LMO1: variants seen among roughly 807,000 people sequenced by gnomAD.
LMO1 encodes the protein LIM domain only 1, also known as rhombotin-1.
A neutral mutation model predicts 18.0 loss-of-function variants in LMO1; 10 were observed. That is an observed-to-expected ratio of 0.55 (90% CI 0.34 to 0.94). The LOEUF is 0.94. LMO1 is among the 40% of genes least tolerant of loss of function. The probability of loss-of-function intolerance (pLI) is 0.02; values close to 1 mark genes in which losing one functional copy is unlikely to be tolerated. For missense variants in LMO1, 183 were observed against 205.7 expected, an observed-to-expected ratio of 0.89 and a Z score of 0.68; for synonymous variants, 77 against 77.9, an observed-to-expected ratio of 0.99 and a Z score of 0.06.
chr11:8,235,166 G>A (rs1406294249), intron 1 of LMO1, among the ~76,000 whole-genome samples: 1 of 152,276 alleles, frequency 6.6e-6, no homozygotes, highest in South Asian at 2.1e-4. Flanking sequence ...ATCCCTGCTC[G>A]GGCACTTGCT....
At chr11:8,246,038 C>T (rs1370440663) in intron 1 of LMO1, among the ~76,000 whole-genome samples, 1 of 152,246 alleles carries the variant, frequency 6.6e-6, no homozygotes, top group East Asian at 1.9e-4. Context: ...CATCACCAAG[C>T]GGATAGTGCT....
intron 1 of LMO1, among the ~76,000 whole-genome samples, chr11:8,237,133 T>C (rs1952774141): frequency 6.6e-6 from 1 of 151,052 alleles, no homozygotes; most frequent in African/African-American, 2.4e-5. Flanking sequence ...CCACAATCCT[T>C]ATGCCTACTT....
intron 1 of LMO1, among the ~76,000 whole-genome samples, chr11:8,255,044 C>T (rs551437577): frequency 1.3e-5 from 2 of 152,306 alleles, no homozygotes; most frequent in East Asian, 3.9e-4. Flanking sequence ...TCTACCCTTC[C>T]CCACAGCCAC....
Position 8,263,325 on chromosome 11 carries a change from G to A in LMO1, c.25+13C>T. On this transcript the variant is annotated intron_variant, in intron 1 of 3. Coordinates refer to ENST00000335790, the MANE Select transcript of LMO1 (RefSeq NM_002315.3). Reference sequence around the variant, plus strand: ...GGGGGTGAGGGGCGTCGAGACCCCGGCCCGCCACCTACCGTCCTCCTTGTC... The same window carrying A: ...GGGGGTGAGGGGCGTCGAGACCCCGACCCGCCACCTACCGTCCTCCTTGTC... 1 of 1,598,366 alleles carries A rather than the reference G, an allele frequency of 6.3e-7. No homozygotes were observed. The highest frequency in any genetic ancestry group is 1.4e-5 in the African/African-American group (1 of 74,018).
At chr11:8,249,507 CAT>C (rs1846952040) in intron 1 of LMO1, among the ~76,000 whole-genome samples, 1 of 152,192 alleles carries the variant, frequency 6.6e-6, no homozygotes, top group South Asian at 2.1e-4. Flanking sequence ...TACACATGGA[CAT>C]AAAGATGGGA....
chr11:8,230,221 C>G, intron 2 of LMO1, 70 bp downstream of exon 2: 1 of 1,427,128 alleles, frequency 7.0e-7, no homozygotes. Context: ...GGCACAGTCA[C>G]GCTGGGGCTG....
Position 8,224,720 on chromosome 11 carries a change from A to G in LMO1, c.367T>C (p.Phe123Leu). Residue 123 changes from phenylalanine to leucine, a missense_variant and splice_region_variant, in exon 4 of 4, where the codon TTT becomes CTT. Physicochemically the swap from Phe to Leu is conservative, Grantham distance 22 (BLOSUM62 0). Transcript: ENST00000335790. Reference sequence around the variant, plus strand: ...AGGAAGAATTTGTCTCCCACACAAAATCTAGAAAATCCAAGCGAGAGAGAG... The same window carrying G: ...AGGAAGAATTTGTCTCCCACACAAAGTCTAGAAAATCCAAGCGAGAGAGAG... ...CFACQLCNQR[F>L]CVGDKFFLKN... 6.3e-7 allele frequency: 1 copy of G among 1,591,374 alleles called. No individual in the cohort carries two copies. The highest frequency in any genetic ancestry group is 8.6e-7 in the Non-Finnish European group (1 of 1,166,140).
At chr11:8,257,633 G>A (rs936894643) in intron 1 of LMO1, among the ~76,000 whole-genome samples, 1 of 152,220 alleles carries the variant, frequency 6.6e-6, no homozygotes, top group African/African-American at 2.4e-5. Flanking sequence ...TGGAACCCTA[G>A]GCAGCCCTTT....
chr11:8,228,042 C>T (rs1363593642), intron 2 of LMO1, among the ~76,000 whole-genome samples: 4 of 151,972 alleles, frequency 2.6e-5, no homozygotes, highest in African/African-American at 9.7e-5. Context: ...CCCTTTTTTT[C>T]TTTCTCTGAA....
intron 1 of LMO1, among the ~76,000 whole-genome samples, chr11:8,262,397 G>A (rs1342828975): frequency 6.6e-6 from 1 of 152,166 alleles, no homozygotes; most frequent in Non-Finnish European, 1.5e-5. Flanking sequence ...CCTTACCCTG[G>A]GGACTCATCT....
upstream of LMO1, among the ~76,000 whole-genome samples, chr11:8,264,428 C>T (rs1441874507): frequency 6.6e-6 from 1 of 152,142 alleles, no homozygotes; most frequent in Admixed American, 6.5e-5. Context: ...AGGGATACAG[C>T]ACTGAACAAA....
chr11:8,263,347 T>C lies in LMO1; in HGVS notation c.16A>G (p.Lys6Glu), dbSNP rs1327021603. 2.7e-5 allele frequency: 44 copies of C among 1,603,388 alleles called. No individual in the cohort carries two copies. The highest frequency in any genetic ancestry group is 3.6e-5 in the Non-Finnish European group (42 of 1,178,300). MMVLD[K>E]EDGVPMLSVQ... Reference sequence around the variant, plus strand: ...CCGGCCCGCCACCTACCGTCCTCCTTGTCCAGCACCATCATCTCGGGCGCT... The same window carrying C: ...CCGGCCCGCCACCTACCGTCCTCCTCGTCCAGCACCATCATCTCGGGCGCT... The change falls in exon 1 of 4, where the codon AAG (lysine) becomes GAG (glutamate). Residue 6 changes from lysine to glutamate, a missense_variant. Coordinates refer to ENST00000335790, the MANE Select transcript of LMO1 (RefSeq NM_002315.3).
At position 8,224,670 on chromosome 11, in the gene LMO1, C is replaced by A; in HGVS notation, c.417G>T (p.Gln139His). Reference protein sequence around the residue: ...FFLKNNMILCQMDYEEGQLNG... With the variant: ...FFLKNNMILCHMDYEEGQLNG... ...TGAGCTGCCCTTCCTCATAGTCCAT[C>A]TGACACAAGATCATGTTGTTCTTCA... Residue 139 changes from glutamine to histidine, a missense_variant, in exon 4 of 4, where the codon CAG becomes CAT. Physicochemically the swap from Gln to His is conservative, Grantham distance 24. Transcript: ENST00000335790. 1 of 1,611,372 alleles carries A rather than the reference C, an allele frequency of 6.2e-7. No homozygotes were observed. The highest frequency in any genetic ancestry group is 1.7e-5 in the Admixed American group (1 of 59,736).
intron 1 of LMO1, among the ~76,000 whole-genome samples, chr11:8,247,676 T>C (rs544303562): frequency 3.9e-5 from 6 of 152,358 alleles, no homozygotes; most frequent in Non-Finnish European, 7.3e-5. Flanking sequence ...TTGAAAGGAC[T>C]ATCTGGGCCT....
At chr11:8,227,543 C>T (rs7482131) in intron 2 of LMO1, among the ~76,000 whole-genome samples, 19,778 of 152,230 alleles carry the variant, frequency 0.13, 1,897 homozygotes, top group African/African-American at 0.27. Context: ...GAAACACACC[C>T]TTTATGGGGT....
intron 1 of LMO1, among the ~76,000 whole-genome samples, chr11:8,233,556 G>C (rs998477421): frequency 2.0e-5 from 3 of 152,164 alleles, no homozygotes; most frequent in African/African-American, 7.2e-5. Context: ...CTCTCACCGG[G>C]CTGGTCCAGG....
intron 1 of LMO1, among the ~76,000 whole-genome samples, chr11:8,254,666 A>G (rs1349810323): frequency 6.6e-6 from 1 of 152,148 alleles, no homozygotes; most frequent in African/African-American, 2.4e-5. Flanking sequence ...CTCCCATGGC[A>G]GCCCCACTCA....
intron 1 of LMO1, among the ~76,000 whole-genome samples, chr11:8,235,065 G>A (rs1952738240): frequency 6.6e-6 from 1 of 152,192 alleles, no homozygotes; most frequent in Non-Finnish European, 1.5e-5. Context: ...ATAGAATGAG[G>A]TTCTTCTGCA....
chr11:8,250,046 T>A (rs1013155817), intron 1 of LMO1, among the ~76,000 whole-genome samples: 3 of 35,924 alleles, frequency 8.4e-5, no homozygotes, highest in African/African-American at 2.3e-4. Context: ...CTTTCCCCAT[T>A]TTTTTTTTAT....
Sources: allele counts gnomAD v4.1 joint callset (sites outside exome capture counted in the v4.1 genomes callset), GRCh38; gene constraint gnomAD v4.1.1; transcripts MANE v1.5; gene names NCBI Gene and HGNC (gene_info 2026-07-23, HGNC 2026-07-21).